The following EYS variants were observed in gnomAD, a reference collection of about 807,000 sequenced individuals.
The protein encoded by EYS is EGF-like photoreceptor maintenance factor, also known as protein eyes shut homolog.
A neutral mutation model predicts 282.1 loss-of-function variants in EYS; 250 were observed. The observed-to-expected ratio is 0.89, with a 90% CI of 0.80 to 0.98. The LOEUF is 0.98. Among genes scored for constraint, EYS ranks in the 50% least tolerant of loss-of-function variants. The pLI is 0.00. For missense variants in EYS, 4,016 were observed against 3,709.0 expected, an observed-to-expected ratio of 1.08 and a Z score of -2.15; for synonymous variants, 1,355 against 1,282.9, an observed-to-expected ratio of 1.06 and a Z score of -1.20.
At chr6:63,841,157 A>G (rs961179601) in intron 36 of EYS, among the ~76,000 whole-genome samples, 4 of 152,230 alleles carry the variant, frequency 2.6e-5, no homozygotes, top group African/African-American at 9.6e-5. Flanking sequence ...ATATAATTTT[A>G]GTCACATGGT....
chr6:63,820,358 A>T (rs1381550238), intron 36 of EYS, among the ~76,000 whole-genome samples: 7 of 152,186 alleles, frequency 4.6e-5, no homozygotes, highest in Non-Finnish European at 7.3e-5. Context: ...TTTGAATATT[A>T]TGTTAATCCT....
Position 65,335,058 on chromosome 6 carries a change from T to A in EYS, c.1688A>T (p.Tyr563Phe). 6.2e-7 allele frequency: 1 copy of A among 1,612,110 alleles called. No individual in the cohort carries two copies. Among genetic ancestry groups the A allele is most frequent in the Non-Finnish European group, 8.5e-7 (1 of 1,178,862 alleles). ...TTGATCATCAGTTGTATTTTCCAGA[T>A]ACATGTTGCCAGCCCATCTGAGAAA... ...LCFLRWAGNM[Y>F]LENTTDDQEN... is the part of the protein sequence containing the mutation. The change falls in exon 11 of 43, where the codon TAT (tyrosine) becomes TTT (phenylalanine). Residue 563 changes from tyrosine to phenylalanine, a missense_variant. Physicochemically the swap from Tyr to Phe is conservative, Grantham distance 22. Coordinates refer to ENST00000503581, the MANE Select transcript of EYS (RefSeq NM_001142800.2).
At chr6:63,998,291 G>A (rs1767927185) in intron 34 of EYS, among the ~76,000 whole-genome samples, 1 of 152,032 alleles carries the variant, frequency 6.6e-6, no homozygotes, top group Non-Finnish European at 1.5e-5. Flanking sequence ...GCCATAATTT[G>A]GAAAATACAA....
At chr6:65,670,016 A>C (rs528363849) in intron 1 of EYS, among the ~76,000 whole-genome samples, 105 of 146,908 alleles carry the variant, frequency 7.1e-4, no homozygotes, top group African/African-American at 2.6e-3. Context: ...CCTCCTCCTC[A>C]TTGTTTTTGA....
intron 2 of EYS, among the ~76,000 whole-genome samples, chr6:65,589,084 C>A (rs1289189733): frequency 3.3e-5 from 5 of 151,968 alleles, no homozygotes; most frequent in African/African-American, 4.8e-5. Context: ...TTTCTAGTAA[C>A]CTCTTAACTT....
Position 65,284,668 on chromosome 6 carries a change from ATAAT to A in EYS, c.2023+11191_2023+11194del, listed in dbSNP as rs10557044. Among the ~76,000 whole-genome samples the A allele has an allele frequency of 8.4e-3, 1,272 of 152,228 alleles. 13 individuals are homozygous for A. Among genetic ancestry groups the A allele is most frequent in the African/African-American group, 0.029 (1,216 of 41,578 alleles). On this transcript the variant is annotated intron_variant, in intron 12 of 42. Transcript: ENST00000503581. Reference sequence around the variant, plus strand: ...CACATAGCTAAATGGTTTTAAATGTATAATTAATCACTATGGCCTCATTATACTT... The same window carrying A: ...CACATAGCTAAATGGTTTTAAATGTATAATCACTATGGCCTCATTATACTT...
intron 12 of EYS, among the ~76,000 whole-genome samples, chr6:65,081,796 CT>C (rs1284119949): frequency 6.6e-6 from 1 of 152,032 alleles, no homozygotes; most frequent in Non-Finnish European, 1.5e-5. Flanking sequence ...GAAAATAAGA[CT>C]TCTTGTAACA....
At chr6:65,451,045 C>T (rs9453304) in intron 5 of EYS, among the ~76,000 whole-genome samples, 16,263 of 151,874 alleles carry the variant, frequency 0.11, 1,323 homozygotes, top group African/African-American at 0.22. Context: ...TTTCCTTTGG[C>T]ATACTTATAA....
Position 65,218,854 on chromosome 6 carries a change from C to T in EYS, c.2023+77009G>A, listed in dbSNP as rs368817997. ...AGTAGGGCAATCTATCTTTTGTGGT[C>T]GGGTAGAGAAGAGAAAAGGGTAGAA... On this transcript the variant is annotated intron_variant, in intron 12 of 42. Coordinates refer to ENST00000503581, the MANE Select transcript of EYS (RefSeq NM_001142800.2). Among the ~76,000 whole-genome samples the T allele has an allele frequency of 6.6e-5, 10 of 151,900 alleles. No homozygotes were observed. The East Asian group carries it at 7.8e-4, about 12-fold the overall frequency.
At chr6:64,275,548 T>A (rs1768082212) in intron 30 of EYS, among the ~76,000 whole-genome samples, 1 of 151,080 alleles carries the variant, frequency 6.6e-6, no homozygotes, top group Non-Finnish European at 1.5e-5. Flanking sequence ...TCCCAAGTAG[T>A]TGGGACTATG....
At chr6:64,615,047 T>C (rs115910800) in intron 24 of EYS, among the ~76,000 whole-genome samples, 177 of 152,246 alleles carry the variant, frequency 1.2e-3, no homozygotes, top group Non-Finnish European at 2.1e-3. Context: ...ATGTTTAGTC[T>C]CTTCCCATCT....
intron 26 of EYS, among the ~76,000 whole-genome samples, chr6:64,449,113 A>G (rs927716341): frequency 2.0e-5 from 3 of 152,176 alleles, no homozygotes; most frequent in African/African-American, 7.2e-5. Context: ...TTTAAAAAAA[A>G]ATTAGACGAA....
intron 26 of EYS, among the ~76,000 whole-genome samples, chr6:64,518,359 C>T (rs1777625054): frequency 6.6e-6 from 1 of 151,626 alleles, no homozygotes; most frequent in Non-Finnish European, 1.5e-5. Flanking sequence ...TAATCTAGCC[C>T]GGGCTGGATC....
At chr6:65,270,174 A>G (rs1767860891) in intron 12 of EYS, among the ~76,000 whole-genome samples, 1 of 152,208 alleles carries the variant, frequency 6.6e-6, no homozygotes, top group Middle Eastern at 3.2e-3. Context: ...GGACAGGCAT[A>G]AGATAAACAT....
Position 64,401,335 on chromosome 6 carries a change from T to C in EYS, c.5928-12495A>G, listed in dbSNP as rs190395313. ...CCTTCCTATAAAACCTGAGTATGTGTGTATCTACTTTGTTGTTTATCACAT... is the reference window on the plus strand; with the variant it reads ...CCTTCCTATAAAACCTGAGTATGTGCGTATCTACTTTGTTGTTTATCACAT... On this transcript the variant is annotated intron_variant, in intron 28 of 42. Transcript: ENST00000503581. Among the ~76,000 whole-genome samples the C allele has an allele frequency of 5.0e-4, 76 of 152,228 alleles. 1 individual carries two copies. The East Asian group carries it at 0.013, about 26-fold the overall frequency.
intron 26 of EYS, among the ~76,000 whole-genome samples, chr6:64,589,776 G>A (rs1050209782): frequency 1.3e-5 from 2 of 151,888 alleles, no homozygotes; most frequent in African/African-American, 4.8e-5. Flanking sequence ...ATGCCATAGA[G>A]GATAGGAAAT....
At chr6:64,670,464 A>G (rs1173623569) in intron 22 of EYS, among the ~76,000 whole-genome samples, 1 of 152,028 alleles carries the variant, frequency 6.6e-6, no homozygotes. Flanking sequence ...AAACGTTAAT[A>G]GCACTAGAAA....
intron 5 of EYS, among the ~76,000 whole-genome samples, chr6:65,456,114 C>T (rs903574136): frequency 6.6e-6 from 1 of 151,762 alleles, no homozygotes; most frequent in East Asian, 1.9e-4. Flanking sequence ...GACACAGATA[C>T]AAAAAATTTC....
chr6:64,911,048 C>T (rs1048743561), intron 16 of EYS, among the ~76,000 whole-genome samples: 26 of 151,962 alleles, frequency 1.7e-4, no homozygotes, highest in African/African-American at 6.3e-4. Flanking sequence ...CATTCTTAGA[C>T]ATGTAAGTAG....
Sources: gnomAD v4.1 joint callset for allele counts (sites outside exome capture counted in the v4.1 genomes callset) on GRCh38, gnomAD v4.1.1 for gene constraint, MANE v1.5 for transcripts, NCBI Gene and HGNC (gene_info 2026-07-23, HGNC 2026-07-21) for gene names.